The following ESCO1 variants were observed in gnomAD, a reference collection of about 807,000 sequenced individuals.
ESCO1 encodes N-acetyltransferase ESCO1.
Under a neutral mutation model 83.5 loss-of-function variants are expected in ESCO1, and 33 were observed. That is an observed-to-expected ratio of 0.40 (90% confidence interval 0.30 to 0.53). The LOEUF (loss-of-function observed/expected upper bound fraction) is 0.53, where lower values mean the gene tolerates loss of function less well. ESCO1 is among the 20% of genes least tolerant of loss of function. The pLI is 0.63. For missense variants in ESCO1, 855 were observed against 968.0 expected, an observed-to-expected ratio of 0.88 and a Z score of 1.55; for synonymous variants, 332 against 324.3, an observed-to-expected ratio of 1.02 and a Z score of -0.25.
chr18:21,552,637 T>C (rs1171796090), intron 8 of ESCO1, among the ~76,000 whole-genome samples: 2 of 152,184 alleles, frequency 1.3e-5, no homozygotes, highest in African/African-American at 4.8e-5. Context: ...ACAGTGGTAC[T>C]GGTGAAACAA....
intron 1 of ESCO1, among the ~76,000 whole-genome samples, chr18:21,589,964 A>G (rs1260241440): frequency 6.6e-6 from 1 of 151,336 alleles, no homozygotes; most frequent in African/African-American, 2.4e-5. Context: ...AGTAGCTGGG[A>G]CTACAGGCAC....
intron 5 of ESCO1, among the ~76,000 whole-genome samples, chr18:21,567,090 C>T (rs1222958090): frequency 6.6e-6 from 1 of 152,120 alleles, no homozygotes; most frequent in African/African-American, 2.4e-5. Flanking sequence ...GATTTCTTTT[C>T]TATACCCTCT....
At chr18:21,549,696 G>A (rs1393953050) in intron 8 of ESCO1, among the ~76,000 whole-genome samples, 2 of 152,192 alleles carry the variant, frequency 1.3e-5, no homozygotes, top group Admixed American at 6.5e-5. Context: ...GCCAGGCACA[G>A]TGGCTCACAC....
At chr18:21,592,810 C>T (rs1047469455) in intron 1 of ESCO1, among the ~76,000 whole-genome samples, 2 of 147,282 alleles carry the variant, frequency 1.4e-5, no homozygotes, top group African/African-American at 5.0e-5. Context: ...GGCTGCCGGG[C>T]GGAGGGGCTC....
At chr18:21,567,894 C>A (rs2038284527) in intron 5 of ESCO1, 86 bp downstream of exon 5, 2 of 917,578 alleles carry the variant, frequency 2.2e-6, no homozygotes, top group South Asian at 1.6e-5. Context: ...ATTTAACAAC[C>A]CTATTTGGTA....
intron 10 of ESCO1, among the ~76,000 whole-genome samples, chr18:21,534,200 T>A (rs577007537): frequency 1.1e-4 from 17 of 152,356 alleles, no homozygotes; most frequent in Non-Finnish European, 8.8e-5. Flanking sequence ...TTAACCCACT[T>A]ATGCCTAGTG....
chr18:21,553,102 C>A (rs1568097752), intron 8 of ESCO1, among the ~76,000 whole-genome samples: 1 of 152,066 alleles, frequency 6.6e-6, no homozygotes, highest in Non-Finnish European at 1.5e-5. Flanking sequence ...CCAAGCTGGG[C>A]AATATAGGGA....
chr18:21,579,706 A>T (rs982287588), intron 2 of ESCO1, among the ~76,000 whole-genome samples: 2 of 146,986 alleles, frequency 1.4e-5, no homozygotes, highest in African/African-American at 2.5e-5. Context: ...AAGGAGGTGG[A>T]GGTTGCAGTG....
chr18:21,550,388 A>G (rs925347000), intron 8 of ESCO1, among the ~76,000 whole-genome samples: 12 of 152,232 alleles, frequency 7.9e-5, no homozygotes, highest in African/African-American at 2.9e-4. Context: ...AATATTTCTC[A>G]TAAGATATGC....
At position 21,530,274 on chromosome 18, in the gene ESCO1, T is replaced by C; in HGVS notation, c.*69A>G. On this transcript the variant is annotated 3_prime_UTR_variant, in exon 12 of 12. Transcript: ENST00000269214. The stretch of plus-strand genomic sequence containing the variant: ...TTGTAATAAAAATGGCCCTAGTTCC[T>C]GGTTAAAGTCAGCAACCAATCCATT... 2.9e-6 allele frequency: 4 copies of C among 1,364,428 alleles called. No individual in the cohort carries two copies. The highest frequency in any genetic ancestry group is 3.8e-6 in the Non-Finnish European group (4 of 1,040,068). The allele number at this position is 1,364,428 out of a possible 1,614,324, so 84.5% of individuals were successfully genotyped here.
chr18:21,562,608 C>CT (rs1356606155), intron 7 of ESCO1, among the ~76,000 whole-genome samples: 3 of 151,816 alleles, frequency 2.0e-5, no homozygotes, highest in Non-Finnish European at 2.9e-5. Flanking sequence ...CACCATTGCA[C>CT]TCTAGCCTGG....
rs370716203 is a variant in ESCO1 at position 21,558,835 on chromosome 18, G to T, written c.1953+2024C>A. 8.6e-5 allele frequency among the ~76,000 whole-genome samples: 13 copies of T among 150,826 alleles called. No homozygotes were observed. The East Asian group carries it at 2.3e-3, about 27-fold the overall frequency. On this transcript the variant is annotated intron_variant, in intron 8 of 11. Transcript: ENST00000269214. ...AACTTTATTTCCACTTCCTGATACT[G>T]TCCATTTAACATGAATTAACACCAG...
intron 8 of ESCO1, among the ~76,000 whole-genome samples, chr18:21,541,925 CATT>C (rs1306450977): frequency 6.6e-6 from 1 of 152,048 alleles, no homozygotes; most frequent in Non-Finnish European, 1.5e-5. Context: ...GGTTTCATGT[CATT>C]ATATTGCATT....
intron 10 of ESCO1, 72 bp from the exon 11 acceptor site, chr18:21,532,732 G>A: frequency 1.4e-6 from 2 of 1,450,228 alleles, no homozygotes; most frequent in South Asian, 1.3e-5. Context: ...ATCTGGTTGA[G>A]GCGGTTATGA....
At chr18:21,543,619 T>C (rs188158397) in intron 8 of ESCO1, among the ~76,000 whole-genome samples, 2 of 152,124 alleles carry the variant, frequency 1.3e-5, no homozygotes, top group East Asian at 1.9e-4. Flanking sequence ...GTAGATTTAA[T>C]TGTATAAATA....
At chr18:21,589,782 A>C (rs2038636803) in intron 1 of ESCO1, among the ~76,000 whole-genome samples, 1 of 152,054 alleles carries the variant, frequency 6.6e-6, no homozygotes, top group African/African-American at 2.4e-5. Flanking sequence ...CTCACACTTA[A>C]GGCCTTCAAT....
At position 21,529,284 on chromosome 18, in the gene ESCO1, TCA is replaced by T. The variant is rs1161782187; in HGVS notation, c.*1057_*1058del. 6.6e-6 allele frequency: 1 copy of T among 152,616 alleles called. No individual in the cohort carries two copies. The highest frequency in any genetic ancestry group is 1.5e-5 in the Non-Finnish European group (1 of 68,050). The allele number at this position is 152,616 out of a possible 1,614,324, so 9.5% of individuals were successfully genotyped here. A position where few individuals can be genotyped will look rare whatever the true frequency, so the allele number is the denominator to read the frequency against. On this transcript the variant is annotated 3_prime_UTR_variant, in exon 12 of 12. Coordinates refer to ENST00000269214, the MANE Select transcript of ESCO1 (RefSeq NM_052911.3). ...CACAAATGACAACACACCATTATTC[TCA>T]GTTAGTACATTGGTCACTTAGAAAA...
intron 2 of ESCO1, among the ~76,000 whole-genome samples, chr18:21,583,473 A>G (rs2847138): frequency 0.99 from 150,863 of 152,142 alleles, 74,812 homozygotes; most frequent in South Asian, 1. Context: ...GTGAAACCCC[A>G]TCTCTACTAA....
intron 5 of ESCO1, among the ~76,000 whole-genome samples, chr18:21,567,480 TA>T (rs963949270): frequency 6.4e-4 from 92 of 144,310 alleles, no homozygotes; most frequent in East Asian, 6.0e-4. Flanking sequence ...AATGTGTTAT[TA>T]AAAAAAAAAA....
Sources: allele counts gnomAD v4.1 joint callset (sites outside exome capture counted in the v4.1 genomes callset), GRCh38; gene constraint gnomAD v4.1.1; transcripts MANE v1.5; gene names NCBI Gene and HGNC (gene_info 2026-07-23, HGNC 2026-07-21).